The following METTL24 variants were observed in gnomAD, a reference collection of about 807,000 sequenced individuals.
METTL24 encodes the protein methyltransferase like 24, also known as probable methyltransferase-like protein 24.
Under a neutral mutation model 32.7 loss-of-function variants are expected in METTL24, and 29 were observed. The ratio of observed to expected loss-of-function variants is 0.89; its 90% CI spans 0.66 to 1.21. The LOEUF (loss-of-function observed/expected upper bound fraction) is 1.21. METTL24 is among the 50% of genes most tolerant of loss of function. METTL24 has a pLI of 0.00. For missense variants in METTL24, 439 were observed against 468.1 expected (o/e 0.94, Z 0.57); for synonymous variants, 163 against 179.5 (o/e 0.91, Z 0.73).
At position 110,244,773 on chromosome 6, in the gene METTL24, C is replaced by T. The variant is rs967872983; in HGVS notation, c.*1173G>A. Among the ~76,000 whole-genome samples, 2 of 152,088 alleles carry T rather than the reference C, an allele frequency of 1.3e-5. No homozygotes were observed. The highest frequency in any genetic ancestry group is 4.8e-5 in the African/African-American group (2 of 41,408). ...CTCTCACCAGGTCCCTCCCACAACACGTGGGGATTATGGGAACTACAATTC... is the reference window on the plus strand; with the variant it reads ...CTCTCACCAGGTCCCTCCCACAACATGTGGGGATTATGGGAACTACAATTC... On this transcript the variant is annotated 3_prime_UTR_variant, in exon 5 of 5. Coordinates refer to ENST00000338882, the MANE Select transcript of METTL24 (RefSeq NM_001123364.3).
chr6:110,338,838 T>G (rs1486559435), intron 1 of METTL24, among the ~76,000 whole-genome samples: 1 of 152,218 alleles, frequency 6.6e-6, no homozygotes, highest in Non-Finnish European at 1.5e-5. Flanking sequence ...CTTTCGTAAT[T>G]CCAAAGACTG....
rs754123098 is a variant in METTL24, at chr6:110,299,011, G to T, written c.697C>A (p.Arg233=). ...LWYHRLSIDW[R]DPHPAVAAQK... ...GCAGCAACAGCTGGATGGGGATCCC[G>T]CCAGTCAATGGACAAGCGGTGATAC... The change falls in exon 4 of 5, where the codon CGG becomes AGG. Residue 233 remains arginine (R), a synonymous_variant. Coordinates refer to ENST00000338882, the MANE Select transcript of METTL24 (RefSeq NM_001123364.3). The T allele has an allele frequency of 1.9e-6, 3 of 1,614,140 alleles. No homozygotes were observed. Among genetic ancestry groups the T allele is most frequent in the Non-Finnish European group, 2.5e-6 (3 of 1,180,036 alleles).
chr6:110,257,272 T>C, intron 4 of METTL24, among the ~76,000 whole-genome samples: 1 of 152,176 alleles, frequency 6.6e-6, no homozygotes, highest in Non-Finnish European at 1.5e-5. Flanking sequence ...GCATTCAGTT[T>C]TTTATTTTGT....
intron 4 of METTL24, among the ~76,000 whole-genome samples, chr6:110,268,705 G>T (rs1329818677): frequency 6.6e-6 from 1 of 151,900 alleles, no homozygotes; most frequent in Admixed American, 6.6e-5. Context: ...AACTTCATAG[G>T]TTCTGTATGA....
At chr6:110,246,716 A>T (rs886938153) in intron 4 of METTL24, among the ~76,000 whole-genome samples, 2 of 152,154 alleles carry the variant, frequency 1.3e-5, no homozygotes, top group Non-Finnish European at 2.9e-5. Flanking sequence ...TACCCCACAA[A>T]CTATGCCACC....
chr6:110,319,343 A>T (rs960274799), intron 2 of METTL24, among the ~76,000 whole-genome samples: 4 of 152,006 alleles, frequency 2.6e-5, no homozygotes, highest in Non-Finnish European at 5.9e-5. Context: ...TATTCTGAAT[A>T]TCCAGAGCAT....
chr6:110,263,441 C>G (rs1422236373), intron 4 of METTL24, among the ~76,000 whole-genome samples: 1 of 152,158 alleles, frequency 6.6e-6, no homozygotes, highest in African/African-American at 2.4e-5. Flanking sequence ...TCAAGGAGAA[C>G]TACAAGCCAC....
rs200971763 is a variant in METTL24, at chr6:110,299,105, G to A, written c.603C>T (p.Asn201=). The change falls in exon 4 of 5, where the codon AAC becomes AAT. Residue 201 remains asparagine, a synonymous_variant. Transcript: ENST00000338882. The part of the protein sequence containing the change: ...DTHFEVSMAN[N]GCEVHRFDPS... The stretch of plus-strand genomic sequence containing the variant: ...GATCAAAACGATGCACTTCACATCC[G>A]TTGTTGGCCATGCTAACCTCAAAAT... The A allele has an allele frequency of 4.9e-5, 79 of 1,614,114 alleles. No homozygotes were observed. The East Asian group carries it at 6.0e-4, about 12-fold the overall frequency.
chr6:110,304,206 G>A (rs993660795), intron 3 of METTL24, among the ~76,000 whole-genome samples: 1 of 152,182 alleles, frequency 6.6e-6, no homozygotes, highest in Non-Finnish European at 1.5e-5. Context: ...CCATGAAGAT[G>A]AGGAAAAACC....
chr6:110,298,804 A>T, intron 4 of METTL24, 118 bp downstream of exon 4: 1 of 793,390 alleles, frequency 1.3e-6, no homozygotes, highest in Non-Finnish European at 2.0e-6. Flanking sequence ...GTGATTAGTA[A>T]GATTAAAATC....
At chr6:110,307,068 T>C (rs1015099331) in intron 3 of METTL24, among the ~76,000 whole-genome samples, 3 of 152,188 alleles carry the variant, frequency 2.0e-5, no homozygotes, top group African/African-American at 7.2e-5. Flanking sequence ...AATAAAACTA[T>C]GAGGCAGGGG....
chr6:110,329,402 T>C (rs1772073131), intron 1 of METTL24, among the ~76,000 whole-genome samples: 1 of 152,056 alleles, frequency 6.6e-6, no homozygotes, highest in Non-Finnish European at 1.5e-5. Flanking sequence ...GTAAAATAGA[T>C]TTATTTAGCA....
At chr6:110,298,258 A>T (rs1771456243) in intron 4 of METTL24, among the ~76,000 whole-genome samples, 1 of 152,234 alleles carries the variant, frequency 6.6e-6, no homozygotes, top group African/African-American at 2.4e-5. Context: ...GTATCTGCCT[A>T]CAGAATACAG....
chr6:110,266,459 A>G (rs1298110699), intron 4 of METTL24, among the ~76,000 whole-genome samples: 4 of 152,090 alleles, frequency 2.6e-5, no homozygotes, highest in Non-Finnish European at 5.9e-5. Context: ...AGCACTGCCA[A>G]ATTGGTAAGC....
intron 4 of METTL24, among the ~76,000 whole-genome samples, chr6:110,280,375 G>A (rs370978664): frequency 9.2e-5 from 14 of 151,960 alleles, no homozygotes; most frequent in African/African-American, 2.4e-4. Context: ...TATATACCAC[G>A]TATTTCAATA....
chr6:110,245,711 G>C lies in METTL24; in HGVS notation c.*235C>G, dbSNP rs1778143140. On this transcript the variant is annotated 3_prime_UTR_variant, in exon 5 of 5. Transcript: ENST00000338882. ...TGATGAGCTGGGGATAATCTTCCAAGTTAAGGTGAAGGAAGAGTCTGGGCA... is the reference window on the plus strand; with the variant it reads ...TGATGAGCTGGGGATAATCTTCCAACTTAAGGTGAAGGAAGAGTCTGGGCA... Among the ~76,000 whole-genome samples, 1 of 152,150 alleles carries C rather than the reference G, an allele frequency of 6.6e-6. No individual in the cohort carries two copies. Among genetic ancestry groups the C allele is most frequent in the Non-Finnish European group, 1.5e-5 (1 of 68,034 alleles).
chr6:110,257,462 T>C (rs1467836500), intron 4 of METTL24, among the ~76,000 whole-genome samples: 1 of 152,212 alleles, frequency 6.6e-6, no homozygotes, highest in Non-Finnish European at 1.5e-5. Flanking sequence ...TCAATAGCCA[T>C]ATATGGCTAG....
intron 4 of METTL24, among the ~76,000 whole-genome samples, 173 bp downstream of exon 4, chr6:110,298,749 T>C (rs1301876630): frequency 2.6e-5 from 4 of 152,228 alleles, no homozygotes; most frequent in South Asian, 4.1e-4. Context: ...ATCTCTATCC[T>C]TGCCAACACT....
intron 4 of METTL24, chr6:110,253,950 G>A (rs1778332764): frequency 1.4e-6 from 2 of 1,448,568 alleles, no homozygotes; most frequent in Non-Finnish European, 1.8e-6. Flanking sequence ...TGAGGAGGAT[G>A]GCAAGTGGGT....
Sources: allele counts gnomAD v4.1 joint callset (sites outside exome capture counted in the v4.1 genomes callset), GRCh38; gene constraint gnomAD v4.1.1; transcripts MANE v1.5; gene names NCBI Gene and HGNC (gene_info 2026-07-23, HGNC 2026-07-21).